The following PUDP variants were observed in gnomAD, a reference collection of about 807,000 sequenced individuals.
The protein encoded by PUDP is pseudouridine 5'-phosphatase.
Under a neutral mutation model 9.4 loss-of-function variants are expected in PUDP, and 8 were observed. That is an observed-to-expected ratio of 0.85 (90% CI 0.50 to 1.53). The LOEUF is 1.53. Ranked by LOEUF, PUDP falls within the 40% of genes most tolerant of loss-of-function variation. The pLI is 0.00. For missense variants in PUDP, 188 were observed against 189.7 expected, an observed-to-expected ratio of 0.99 and a Z score of 0.05; for synonymous variants, 99 against 80.7, an observed-to-expected ratio of 1.23 and a Z score of -1.22.
intron 3 of PUDP, among the ~76,000 whole-genome samples, chrX:6,885,909 T>C (rs1436473830): frequency 8.9e-6 from 1 of 112,662 alleles, no homozygotes; most frequent in African/African-American, 3.2e-5. Context: ...TGCTATCAAG[T>C]TGCTTTCTAA....
intron 1 of PUDP, among the ~76,000 whole-genome samples, chrX:7,043,170 C>T (rs1014380909): frequency 2.7e-5 from 3 of 111,784 alleles, no homozygotes; most frequent in African/African-American, 6.5e-5. Flanking sequence ...GTGCACAGCA[C>T]GTGAGTTTAC....
chrX:7,134,555 T>C (rs1797236848), intron 1 of PUDP, among the ~76,000 whole-genome samples: 1 of 112,076 alleles, frequency 8.9e-6, no homozygotes, highest in Admixed American at 9.5e-5. Flanking sequence ...GCACACCGTA[T>C]CAAAAGCTGA....
intron 1 of PUDP, among the ~76,000 whole-genome samples, chrX:7,041,867 CT>C (rs4011478): frequency 0.1 from 10,125 of 98,441 alleles, 655 homozygotes; most frequent in East Asian, 0.27. Flanking sequence ...CTCTCTCTCT[CT>C]TTTTTTTTTT....
At chrX:7,124,004 T>C (rs1282947519) in intron 1 of PUDP, among the ~76,000 whole-genome samples, 4 of 111,947 alleles carry the variant, frequency 3.6e-5, no homozygotes, top group Non-Finnish European at 7.5e-5. Flanking sequence ...GGAAGACAAA[T>C]ACAAGACTTG....
intron 1 of PUDP, among the ~76,000 whole-genome samples, chrX:7,143,726 G>A (rs1006963581): frequency 9.8e-5 from 11 of 111,899 alleles, no homozygotes; most frequent in African/African-American, 9.7e-5. Flanking sequence ...AGGAACACAC[G>A]TGTCTTGTGC....
intron 1 of PUDP, among the ~76,000 whole-genome samples, chrX:7,128,364 G>A (rs993210270): frequency 3.6e-5 from 4 of 111,912 alleles, no homozygotes; most frequent in African/African-American, 1.3e-4. Context: ...TTTATAAGCA[G>A]AATAAGCAGA....
chrX:6,846,172 G>A (rs1192362356), intron 3 of PUDP, among the ~76,000 whole-genome samples: 5 of 110,349 alleles, frequency 4.5e-5, no homozygotes, highest in Admixed American at 3.9e-4. Context: ...AGGCCGAGGC[G>A]GGCGGGCGGA....
chrX:7,111,267 C>T (rs1932039945), intron 1 of PUDP, among the ~76,000 whole-genome samples: 1 of 110,859 alleles, frequency 9.0e-6, no homozygotes, highest in Non-Finnish European at 1.9e-5. Context: ...TTCTTTATAG[C>T]AGTGTGAGAA....
At chrX:6,744,159 T>G (rs1008918811) in intron 3 of PUDP, among the ~76,000 whole-genome samples, 1 of 112,148 alleles carries the variant, frequency 8.9e-6, no homozygotes, top group African/African-American at 3.3e-5. Flanking sequence ...ATTTTGTCAA[T>G]TATACAAACA....
chrX:6,798,966 T>C (rs1238660005), intron 3 of PUDP, among the ~76,000 whole-genome samples: 1 of 111,690 alleles, frequency 9.0e-6, no homozygotes, highest in Non-Finnish European at 1.9e-5. Flanking sequence ...TTTATTTTTT[T>C]GTAGAGACAA....
intron 3 of PUDP, among the ~76,000 whole-genome samples, chrX:6,796,691 A>T (rs972694229): frequency 8.9e-6 from 1 of 112,307 alleles, no homozygotes; most frequent in Non-Finnish European, 1.9e-5. Flanking sequence ...AAATACAATA[A>T]GAGAGAGAAA....
chrX:6,768,645 A>G (rs1406541443), intron 3 of PUDP, among the ~76,000 whole-genome samples: 2 of 112,131 alleles, frequency 1.8e-5, no homozygotes, highest in African/African-American at 6.5e-5. Flanking sequence ...AAAAAAAATT[A>G]AAGTCTTTTA....
At chrX:6,860,892 A>C (rs1174210743) in intron 3 of PUDP, among the ~76,000 whole-genome samples, 3 of 112,605 alleles carry the variant, frequency 2.7e-5, no homozygotes, top group African/African-American at 9.7e-5. Flanking sequence ...AGGGTTAAAA[A>C]TGTTCAACCC....
intron 1 of PUDP, among the ~76,000 whole-genome samples, chrX:7,026,221 T>C (rs1445741323): frequency 8.9e-5 from 10 of 111,925 alleles, no homozygotes; most frequent in Admixed American, 3.8e-4. Context: ...ACGGTAGTGA[T>C]GGGAAGAAAA....
chrX:7,126,502 C>A (rs1347548919), intron 1 of PUDP, among the ~76,000 whole-genome samples: 3 of 111,984 alleles, frequency 2.7e-5, no homozygotes, highest in Non-Finnish European at 3.8e-5. Context: ...AATTAATTTT[C>A]TTGCAATTCT....
intron 1 of PUDP, among the ~76,000 whole-genome samples, chrX:7,131,286 T>C (rs1468284002): frequency 1.8e-5 from 2 of 111,449 alleles, no homozygotes; most frequent in African/African-American, 6.5e-5. Flanking sequence ...TGTGGGTCCT[T>C]GTAGTCAGTT....
chrX:6,785,553 G>A (rs750896256), intron 3 of PUDP, among the ~76,000 whole-genome samples: 113 of 109,280 alleles, frequency 1.0e-3, no homozygotes, highest in Non-Finnish European at 1.4e-3. Context: ...CATACTTTGC[G>A]CGTTTTCTAT....
chrX:6,800,654 C>T, intron 3 of PUDP, among the ~76,000 whole-genome samples: 1 of 111,856 alleles, frequency 8.9e-6, no homozygotes, highest in Middle Eastern at 4.6e-3. Flanking sequence ...GTGGACACTA[C>T]ATTTTATCTA....
chrX:6,857,122 T>C (rs779909289), intron 3 of PUDP, among the ~76,000 whole-genome samples: 1 of 112,573 alleles, frequency 8.9e-6, no homozygotes, highest in Non-Finnish European at 1.9e-5. Context: ...TGAACATTGA[T>C]TTATTTGTTC....
Sources: allele counts gnomAD v4.1 joint callset (sites outside exome capture counted in the v4.1 genomes callset), GRCh38; gene constraint gnomAD v4.1.1; transcripts MANE v1.5; gene names NCBI Gene and HGNC (gene_info 2026-07-23, HGNC 2026-07-21).